The following PLS1 variants were observed in gnomAD, a reference collection of about 807,000 sequenced individuals.
The protein encoded by PLS1 is plastin-1.
Under a neutral mutation model 73.7 loss-of-function variants are expected in PLS1, and 32 were observed. That is an observed-to-expected ratio of 0.43 (90% CI 0.33 to 0.58). PLS1 has a LOEUF of 0.58. PLS1 is among the 20% of genes least tolerant of loss of function. The pLI is 0.04. For missense variants in PLS1, 633 were observed against 740.5 expected (o/e 0.85, Z 1.68); for synonymous variants, 217 against 261.3 (o/e 0.83, Z 1.63).
At chr3:142,649,331 A>C (rs545162007) in intron 1 of PLS1, among the ~76,000 whole-genome samples, 1 of 91,786 alleles carries the variant, frequency 1.1e-5, no homozygotes, top group Non-Finnish European at 2.3e-5. Flanking sequence ...GTGAGACCCT[A>C]TGTCAAAAAA....
At chr3:142,670,952 T>C (rs1426051019) in intron 3 of PLS1, 41 bp from the exon 4 acceptor site, 8 of 1,420,766 alleles carry the variant, frequency 5.6e-6, no homozygotes, top group Non-Finnish European at 7.8e-6. Context: ...CAGGTTTTTA[T>C]TGATTATCTG....
intron 9 of PLS1, among the ~76,000 whole-genome samples, chr3:142,687,933 T>A (rs896020102): frequency 2.0e-5 from 3 of 151,388 alleles, no homozygotes; most frequent in African/African-American, 4.8e-5. Flanking sequence ...AAGGTCCACA[T>A]GTTGTCTTTA....
chr3:142,644,811 A>G (rs2036918832), intron 1 of PLS1, among the ~76,000 whole-genome samples: 1 of 152,202 alleles, frequency 6.6e-6, no homozygotes, highest in African/African-American at 2.4e-5. Context: ...GGAAAGTATA[A>G]AATGCTTGAT....
chr3:142,637,193 C>G (rs1400914504), intron 1 of PLS1, among the ~76,000 whole-genome samples: 1 of 152,128 alleles, frequency 6.6e-6, no homozygotes, highest in African/African-American at 2.4e-5. Flanking sequence ...TTCAAAAGAA[C>G]ACTACTCAGA....
At chr3:142,635,702 T>C (rs2036670673) in intron 1 of PLS1, among the ~76,000 whole-genome samples, 2 of 152,194 alleles carry the variant, frequency 1.3e-5, no homozygotes, top group African/African-American at 4.8e-5. Context: ...TTTACTGGAA[T>C]TCCAGGCTAA....
At chr3:142,676,089 A>T in intron 4 of PLS1, 68 bp from the exon 5 acceptor site, 1 of 1,216,166 alleles carries the variant, frequency 8.2e-7, no homozygotes, top group Non-Finnish European at 1.2e-6. Flanking sequence ...TGCAATAGCT[A>T]TGTATGTTTT....
At chr3:142,632,406 C>G (rs1188644725) in intron 1 of PLS1, among the ~76,000 whole-genome samples, 1 of 152,126 alleles carries the variant, frequency 6.6e-6, no homozygotes, top group African/African-American at 2.4e-5. Flanking sequence ...GGATGACCAA[C>G]AGCAAACAAA....
rs776155603 is a variant in PLS1, at chr3:142,669,524, G to T, written c.205G>T (p.Gly69Cys). The stretch of plus-strand genomic sequence containing the variant: ...ATCAGTTGCTGACAGCAACAAAGAT[G>T]GCAAAATCAGTTTTGAAGAGTTTGT... ...ILSVADSNKD[G>C]KISFEEFVSL... Residue 69 changes from glycine (G) to cysteine (C), a missense_variant, in exon 3 of 16, where the codon GGC becomes TGC. Gly to Cys is a radical substitution (Grantham distance 159, BLOSUM62 -3). Transcript: ENST00000457734. 6.2e-7 allele frequency: 1 copy of T among 1,613,218 alleles called. No individual in the cohort carries two copies.
intron 1 of PLS1, among the ~76,000 whole-genome samples, chr3:142,640,943 C>CCTA (rs1053135055): frequency 6.6e-6 from 1 of 151,836 alleles, no homozygotes; most frequent in African/African-American, 2.4e-5. Context: ...ACAGCCCATG[C>CCTA]CTACAGAGAC....
At chr3:142,659,357 A>G (rs2107814013) in intron 1 of PLS1, among the ~76,000 whole-genome samples, 1 of 152,272 alleles carries the variant, frequency 6.6e-6, no homozygotes, top group South Asian at 2.1e-4. Context: ...TTATTTCACT[A>G]TTTTAATCAT....
chr3:142,612,729 GA>G (rs10716821), intron 1 of PLS1, among the ~76,000 whole-genome samples: 33,360 of 148,494 alleles, frequency 0.22, 4,597 homozygotes, highest in African/African-American at 0.4. Flanking sequence ...CTCAAAAAAA[GA>G]AAAAAAAAAT....
chr3:142,649,430 G>A (rs1406311378), intron 1 of PLS1, among the ~76,000 whole-genome samples: 1 of 151,322 alleles, frequency 6.6e-6, no homozygotes, highest in Non-Finnish European at 1.5e-5. Flanking sequence ...GAGGTCAGGA[G>A]TTCGAGACCA....
intron 1 of PLS1, among the ~76,000 whole-genome samples, chr3:142,634,651 C>CA (rs574980330): frequency 4.3e-4 from 65 of 149,808 alleles, no homozygotes; most frequent in Non-Finnish European, 6.2e-4. Flanking sequence ...AAATATACTT[C>CA]AAAAAAAAAG....
At chr3:142,707,917 A>G (rs960861245) in intron 14 of PLS1, among the ~76,000 whole-genome samples, 4 of 152,204 alleles carry the variant, frequency 2.6e-5, no homozygotes, top group African/African-American at 9.6e-5. Context: ...CTGATGAATA[A>G]AACAGAGCTT....
intron 1 of PLS1, among the ~76,000 whole-genome samples, chr3:142,631,554 G>A (rs1010459641): frequency 6.6e-6 from 1 of 150,614 alleles, no homozygotes; most frequent in African/African-American, 2.4e-5. Context: ...CCAGCTACTC[G>A]GGAGACTGAG....
intron 14 of PLS1, among the ~76,000 whole-genome samples, chr3:142,708,292 C>A (rs992209496): frequency 6.6e-6 from 1 of 152,080 alleles, no homozygotes; most frequent in Non-Finnish European, 1.5e-5. Context: ...TGTCACCCAG[C>A]CTGGAGTGCA....
chr3:142,618,539 T>A (rs2036254770), intron 1 of PLS1, among the ~76,000 whole-genome samples: 1 of 152,216 alleles, frequency 6.6e-6, no homozygotes, highest in African/African-American at 2.4e-5. Context: ...AGAATCGTTT[T>A]CATGGCTCAT....
chr3:142,623,190 G>A (rs1187907634), intron 1 of PLS1, among the ~76,000 whole-genome samples: 3 of 152,132 alleles, frequency 2.0e-5, no homozygotes, highest in Admixed American at 6.6e-5. Flanking sequence ...AAGCTCATAG[G>A]GTAGTCCCAT....
rs1330680793 is a variant in PLS1, at chr3:142,600,901, T to C, written c.-37+4392T>C. Among the ~76,000 whole-genome samples the C allele has an allele frequency of 2.2e-4, 7 of 31,924 alleles. 1 individual carries two copies. Among genetic ancestry groups the C allele is most frequent in the African/African-American group, 8.1e-4 (4 of 4,954 alleles). 20.9% of individuals were successfully genotyped at this position (31,924 alleles called of 152,430 possible). ...TCATATATATATATATATATATATATATATATATATATATATTTTTTTTTT... is the reference window on the plus strand; with the variant it reads ...TCATATATATATATATATATATATACATATATATATATATATTTTTTTTTT... On this transcript the variant is annotated intron_variant, in intron 1 of 15. Coordinates refer to ENST00000457734, the MANE Select transcript of PLS1 (RefSeq NM_001145319.2).
Sources: allele counts gnomAD v4.1 joint callset (sites outside exome capture counted in the v4.1 genomes callset), GRCh38; gene constraint gnomAD v4.1.1; transcripts MANE v1.5; gene names NCBI Gene and HGNC (gene_info 2026-07-23, HGNC 2026-07-21).